Variants in SLC22A9 observed in about 807,000 individuals in gnomAD.
SLC22A9 encodes the protein organic anion transporter 7.
SLC22A9 carries 64 observed loss-of-function variants against 50.1 expected under a neutral mutation model. The ratio of observed to expected loss-of-function variants is 1.28; its 90% CI spans 1.04 to 1.57. The LOEUF is 1.57. Among genes scored for constraint, SLC22A9 ranks in the 40% most tolerant of loss-of-function variants. SLC22A9 has a pLI of 0.00. For synonymous variants in SLC22A9, 261 were observed against 242.5 expected (o/e 1.08, Z -0.71); for missense variants, 757 against 676.1 (o/e 1.12, Z -1.33).
chr11:63,381,954 A>T (rs2014570201), intron 5 of SLC22A9, among the ~76,000 whole-genome samples: 1 of 152,154 alleles, frequency 6.6e-6, no homozygotes, highest in African/African-American at 2.4e-5. Flanking sequence ...AATATCCTTG[A>T]AACATAATTT....
intron 7 of SLC22A9, 130 bp downstream of exon 7, chr11:63,406,841 TG>T: frequency 9.8e-7 from 1 of 1,024,396 alleles, no homozygotes; most frequent in Non-Finnish European, 1.4e-6. Flanking sequence ...GACACCAATC[TG>T]GGGATTTGGG....
chr11:63,377,416 A>T (rs952415291), intron 5 of SLC22A9, among the ~76,000 whole-genome samples: 1 of 152,102 alleles, frequency 6.6e-6, no homozygotes, highest in Non-Finnish European at 1.5e-5. Context: ...CAAAATCATA[A>T]AATTACATGG....
At chr11:63,373,575 C>T (rs756974874) in intron 2 of SLC22A9, 69 bp from the exon 3 acceptor site, 22 of 1,413,670 alleles carry the variant, frequency 1.6e-5, no homozygotes, top group Non-Finnish European at 1.7e-5. Flanking sequence ...TCAAAGTGTG[C>T]CTTCTCTTTG....
rs1010116284 is a variant in SLC22A9 at position 63,405,356 on chromosome 11, G to C, written c.1074-1141G>C. 2.0e-5 allele frequency among the ~76,000 whole-genome samples: 3 copies of C among 152,166 alleles called. No homozygotes were observed. The East Asian group carries it at 5.8e-4, about 29-fold the overall frequency. Reference sequence around the variant, plus strand: ...TGTGAGAACTAGAAACTGTGTCAAGGGCGACTAAGCCCTGCTGTGCTGTGA... The same window carrying C: ...TGTGAGAACTAGAAACTGTGTCAAGCGCGACTAAGCCCTGCTGTGCTGTGA... On this transcript the variant is annotated intron_variant, in intron 6 of 9. Coordinates refer to ENST00000279178, the MANE Select transcript of SLC22A9 (RefSeq NM_080866.3).
chr11:63,375,877 G>A, intron 5 of SLC22A9, 109 bp downstream of exon 5: 1 of 1,378,478 alleles, frequency 7.3e-7, no homozygotes, highest in Non-Finnish European at 9.8e-7. Context: ...ACACAGGTAT[G>A]GTTATGGGCT....
Position 63,408,188 on chromosome 11 carries a change from C to A in SLC22A9, c.1365C>A (p.Ala455=). The stretch of plus-strand genomic sequence containing the variant: ...CTCTTGCCAATACCCTTGCTTTTGC[C>A]CATGGAAATGAAGTAATTCCCACCA... ...ASALANTLAF[A]HGNEVIPTII... Residue 455 remains alanine (A), a synonymous_variant, in exon 8 of 10, where the codon GCC becomes GCA. Coordinates refer to ENST00000279178, the MANE Select transcript of SLC22A9 (RefSeq NM_080866.3). The A allele has an allele frequency of 1.2e-6, 2 of 1,613,658 alleles. No homozygotes were observed. The highest frequency in any genetic ancestry group is 1.7e-6 in the Non-Finnish European group (2 of 1,179,722).
At chr11:63,405,159 G>T (rs2015015286) in intron 6 of SLC22A9, among the ~76,000 whole-genome samples, 1 of 151,924 alleles carries the variant, frequency 6.6e-6, no homozygotes, top group African/African-American at 2.4e-5. Flanking sequence ...GGAATACATG[G>T]CAACTAGCAG....
At chr11:63,402,519 T>C (rs978657173) in intron 6 of SLC22A9, among the ~76,000 whole-genome samples, 1 of 152,096 alleles carries the variant, frequency 6.6e-6, no homozygotes, top group Non-Finnish European at 1.5e-5. Context: ...TACTGTAGCC[T>C]TGTTGTGTAG....
chr11:63,382,266 G>C lies in SLC22A9; in HGVS notation c.1062G>C (p.Leu354=), dbSNP rs1423314408. 1 of 1,605,558 alleles carries C rather than the reference G, an allele frequency of 6.2e-7. No homozygotes were observed. ...MPNICKRISL[L]SFTRFANFMA... ...ACATATGTAAAAGGATCTCCCTCCT[G>C]TCCTTTACGAGGTAAGCTTCATGCA... The change falls in exon 6 of 10, where the codon CTG becomes CTC. Residue 354 remains leucine, a synonymous_variant. Coordinates refer to ENST00000279178, the MANE Select transcript of SLC22A9 (RefSeq NM_080866.3).
intron 6 of SLC22A9, among the ~76,000 whole-genome samples, chr11:63,390,202 G>C (rs1377152856): frequency 6.6e-6 from 1 of 152,076 alleles, no homozygotes; most frequent in Non-Finnish European, 1.5e-5. Context: ...TGTCAATTTT[G>C]GCTTTTGTTG....
rs572592190 is a variant in SLC22A9, at chr11:63,407,716, G to A, written c.1289-396G>A. On this transcript the variant is annotated intron_variant, in intron 7 of 9. Coordinates refer to ENST00000279178, the MANE Select transcript of SLC22A9 (RefSeq NM_080866.3). ...ACTGTGTATGTACCTAGGTTTTAACGGCCAGGAGAACATGGATGGGTCTTA... is the reference window on the plus strand; with the variant it reads ...ACTGTGTATGTACCTAGGTTTTAACAGCCAGGAGAACATGGATGGGTCTTA... 3.9e-5 allele frequency among the ~76,000 whole-genome samples: 6 copies of A among 152,088 alleles called. No individual in the cohort carries two copies. The East Asian group carries it at 7.7e-4, about 20-fold the overall frequency.
At position 63,406,578 on chromosome 11, in the gene SLC22A9, C is replaced by T. The variant is rs61997169; in HGVS notation, c.1155C>T (p.Leu385=). The T allele has an allele frequency of 6.6e-3, 10,587 of 1,613,810 alleles. 561 individuals carry two copies. The African/African-American group carries it at 0.12, about 18-fold the overall frequency. Reference sequence around the variant, plus strand: ...ACAATGTTTTCCTGTTGCAGACTCTCTTTGGTGCAGTCATCCTCCTGGCCA... The same window carrying T: ...ACAATGTTTTCCTGTTGCAGACTCTTTTTGGTGCAGTCATCCTCCTGGCCA... ...LGNNVFLLQT[L]FGAVILLANC... Residue 385 remains leucine (L), a synonymous_variant, in exon 7 of 10, where the codon CTC becomes CTT. Transcript: ENST00000279178.
intron 6 of SLC22A9, among the ~76,000 whole-genome samples, chr11:63,395,486 TGCTTCTG>T (rs2014837240): frequency 6.6e-6 from 1 of 151,890 alleles, no homozygotes; most frequent in Non-Finnish European, 1.5e-5. Context: ...ATTGTTATCT[TGCTTCTG>T]GATCTAGCCA....
intron 6 of SLC22A9, among the ~76,000 whole-genome samples, chr11:63,387,931 T>A (rs896516174): frequency 1.1e-4 from 16 of 152,198 alleles, no homozygotes; most frequent in African/African-American, 3.6e-4. Flanking sequence ...TTGACTTTCT[T>A]GGTCTTTTTT....
chr11:63,393,030 G>T (rs78959042), intron 6 of SLC22A9, among the ~76,000 whole-genome samples: 7,977 of 152,006 alleles, frequency 0.052, 689 homozygotes, highest in African/African-American at 0.18. Flanking sequence ...GAAAAATGAT[G>T]GTTTTATTTT....
At chr11:63,371,336 C>T in intron 2 of SLC22A9, 98 bp downstream of exon 2, 6 of 989,626 alleles carry the variant, frequency 6.1e-6, no homozygotes, top group Non-Finnish European at 9.0e-6. Context: ...TTACATTCTC[C>T]TGAGGCTGCC....
At chr11:63,392,380 A>T (rs554294485) in intron 6 of SLC22A9, among the ~76,000 whole-genome samples, 12 of 152,034 alleles carry the variant, frequency 7.9e-5, no homozygotes, top group Non-Finnish European at 1.8e-4. Flanking sequence ...AATCTCTTTG[A>T]CATTTCTTGT....
chr11:63,391,552 A>T (rs2014764430), intron 6 of SLC22A9, among the ~76,000 whole-genome samples: 1 of 152,006 alleles, frequency 6.6e-6, no homozygotes, highest in Non-Finnish European at 1.5e-5. Flanking sequence ...GCTCTTAATC[A>T]TTATATAATT....
intron 6 of SLC22A9, among the ~76,000 whole-genome samples, chr11:63,397,741 A>C (rs1038729785): frequency 6.6e-6 from 1 of 152,034 alleles, no homozygotes; most frequent in Non-Finnish European, 1.5e-5. Context: ...AGCTTGTGTG[A>C]ATGCTGCTTC....
Sources: allele counts gnomAD v4.1 joint callset (sites outside exome capture counted in the v4.1 genomes callset), GRCh38; gene constraint gnomAD v4.1.1; transcripts MANE v1.5; gene names NCBI Gene and HGNC (gene_info 2026-07-23, HGNC 2026-07-21).